RBM8A: variants seen among roughly 807,000 people sequenced by gnomAD.
RBM8A encodes RNA binding motif protein 8A.
RBM8A carries 8 observed loss-of-function variants against 25.1 expected under a neutral mutation model. The ratio of observed to expected loss-of-function variants is 0.32; its 90% CI spans 0.19 to 0.58. The LOEUF is 0.58. RBM8A is among the 20% of genes least tolerant of loss of function. The pLI, the probability that RBM8A is intolerant of heterozygous loss-of-function variation, is 0.88. For synonymous variants in RBM8A, 66 were observed against 80.0 expected (o/e 0.82, Z 0.94); for missense variants, 114 against 236.8 (o/e 0.48, Z 3.40).
chr1:145,922,198 T>C lies in RBM8A; in HGVS notation c.*3684A>G, dbSNP rs1211695740. The C allele has an allele frequency of 9.7e-6, 1 of 103,266 alleles. No homozygotes were observed. The highest frequency in any genetic ancestry group is 1.5e-4 in the Admixed American group (1 of 6,490). The allele number at this position is 103,266 out of a possible 1,614,324, so 6.4% of individuals were successfully genotyped here. The stretch of plus-strand genomic sequence containing the variant: ...AAGACTGCACCACTGCACTCCGGCG[T>C]GGGCGGCAGAGCCAGACTCTGTTGG... On this transcript the variant is annotated 3_prime_UTR_variant, in exon 6 of 6. Transcript: ENST00000583313.
At position 145,926,636 on chromosome 1, in the gene RBM8A, G is replaced by C. The variant is rs1351598097; in HGVS notation, c.206-18C>G. 6.2e-7 allele frequency: 1 copy of C among 1,613,772 alleles called. No individual in the cohort carries two copies. Among genetic ancestry groups the C allele is most frequent in the Admixed American group, 1.7e-5 (1 of 59,990 alleles). ...TTCAACAGCTGTTGGGGGACGGGGGGAAGTTGTATGAGTACATGAGAGACA... is the reference window on the plus strand; with the variant it reads ...TTCAACAGCTGTTGGGGGACGGGGGCAAGTTGTATGAGTACATGAGAGACA... On this transcript the variant is annotated intron_variant, in intron 3 of 5. Coordinates refer to ENST00000583313, the MANE Select transcript of RBM8A (RefSeq NM_005105.5).
chr1:145,926,730 C>T lies in RBM8A; in HGVS notation c.205+79G>A, dbSNP rs1385751361. ...TGTTTAAGCTATCTCTGAACCCATT[C>T]CTACTGCGTTTAACTATTTTATTGG... is the stretch of plus-strand genomic sequence containing the variant. On this transcript the variant is annotated intron_variant, in intron 3 of 5. Transcript: ENST00000583313. The T allele has an allele frequency of 2.0e-5, 32 of 1,613,656 alleles. No individual in the cohort carries two copies. In the Admixed American group the frequency reaches 5.3e-4, roughly 27 times the overall value.
At chr1:145,927,270 TTACGACCGAGGAAAA>T in intron 1 of RBM8A, 75 bp downstream of exon 1, 5 of 1,507,794 alleles carry the variant, frequency 3.3e-6, no homozygotes, top group Non-Finnish European at 4.5e-6. Flanking sequence ...ATTCCCATCC[TTACGACCGAGGAAAA>T]AAGAGTAAAT....
rs376768749 is a variant in RBM8A, at chr1:145,922,273, A to C, written c.*3609T>G. The C allele has an allele frequency of 3.9e-5, 6 of 152,312 alleles. No individual in the cohort carries two copies. The East Asian group carries it at 9.6e-4, about 24-fold the overall frequency. 9.4% of individuals were successfully genotyped at this position (152,312 alleles called of 1,614,324 possible). On this transcript the variant is annotated 3_prime_UTR_variant, in exon 6 of 6. Transcript: ENST00000583313. ...AAATAATACTTCTAATATGTTGCAAACAAGACCTTTACCAATCCAAGTGTT... is the reference window on the plus strand; with the variant it reads ...AAATAATACTTCTAATATGTTGCAACCAAGACCTTTACCAATCCAAGTGTT...
rs781824967 is a variant in RBM8A, at chr1:145,924,174, T to C, written c.*1708A>G. 2 of 701,244 alleles carry C rather than the reference T, an allele frequency of 2.9e-6. No homozygotes were observed. The highest frequency in any genetic ancestry group is 3.0e-5 in the South Asian group (2 of 66,580). 43.4% of individuals were successfully genotyped at this position (701,244 alleles called of 1,614,324 possible). ...CTCCAGCTGTTCCTGTTCCACACGG[T>C]CCACTGAGCTGGCCCAGTCCCTTTC... On this transcript the variant is annotated 3_prime_UTR_variant, in exon 6 of 6. Transcript: ENST00000583313.
chr1:145,924,602 C>G lies in RBM8A; in HGVS notation c.*1280G>C. On this transcript the variant is annotated 3_prime_UTR_variant, in exon 6 of 6. Coordinates refer to ENST00000583313, the MANE Select transcript of RBM8A (RefSeq NM_005105.5). ...AGTATTATTTATTCTTGAACACCATCAAGTCTAGACTTGGTGGCTTCATAT... is the reference window on the plus strand; with the variant it reads ...AGTATTATTTATTCTTGAACACCATGAAGTCTAGACTTGGTGGCTTCATAT... 2.8e-6 allele frequency: 1 copy of G among 357,016 alleles called. No homozygotes were observed. Among genetic ancestry groups the G allele is most frequent in the Non-Finnish European group, 5.6e-6 (1 of 178,736 alleles). 22.1% of individuals were successfully genotyped at this position (357,016 alleles called of 1,614,324 possible).
chr1:145,925,878 C>T lies in RBM8A; in HGVS notation c.*4G>A, dbSNP rs1553755758. The T allele has an allele frequency of 6.2e-7, 1 of 1,613,162 alleles. No individual in the cohort carries two copies. The highest frequency in any genetic ancestry group is 8.5e-7 in the Non-Finnish European group (1 of 1,179,646). On this transcript the variant is annotated 3_prime_UTR_variant, in exon 6 of 6. Transcript: ENST00000583313. The stretch of plus-strand genomic sequence containing the variant: ...AAGAGAACACCTGGACAACAGAGGA[C>T]CTGTCAGCGACGTCTCCGGTCTGGA...
chr1:145,925,815 C>A lies in RBM8A; in HGVS notation c.*67G>T, dbSNP rs142839636. ...TAAACACAGCAAGTTCCACCCCAGT[C>A]CTATTTGTCCAAGGCTGCATGGTCA... On this transcript the variant is annotated 3_prime_UTR_variant, in exon 6 of 6. Transcript: ENST00000583313. 5.0e-3 allele frequency: 7,471 copies of A among 1,508,042 alleles called. 21 individuals are homozygous for A. Among genetic ancestry groups the A allele is most frequent in the Admixed American group, 8.8e-3 (525 of 59,728 alleles). 93.4% of individuals were successfully genotyped at this position (1,508,042 alleles called of 1,614,324 possible).
intron 2 of RBM8A, 31 bp downstream of exon 2, chr1:145,926,987 G>A (rs782769241): frequency 6.2e-7 from 1 of 1,614,010 alleles, no homozygotes; most frequent in Non-Finnish European, 8.5e-7. Context: ...TGCCCTACTA[G>A]GCCACTCTAC....
Position 145,925,378 on chromosome 1 carries a change from G to A in RBM8A, c.*504C>T. ...ACTTTAAACCCTACCTGAAACTTGA[G>A]ACTATGTCTAATATAGAAACTCACA... On this transcript the variant is annotated 3_prime_UTR_variant, in exon 6 of 6. Transcript: ENST00000583313. 2.8e-6 allele frequency: 1 copy of A among 355,254 alleles called. No individual in the cohort carries two copies. Among genetic ancestry groups the A allele is most frequent in the Non-Finnish European group, 5.6e-6 (1 of 179,488 alleles). 22.0% of individuals were successfully genotyped at this position (355,254 alleles called of 1,614,324 possible). A position where few individuals can be genotyped will look rare whatever the true frequency, so the allele number is the denominator to read the frequency against.
rs201357976 is a variant in RBM8A, at chr1:145,923,857, T to TAGA, written c.*2022_*2024dup. On this transcript the variant is annotated 3_prime_UTR_variant, in exon 6 of 6. Coordinates refer to ENST00000583313, the MANE Select transcript of RBM8A (RefSeq NM_005105.5). ...TCAGCTAAAAATATGAGTGAGGTGGTAGAAATATCATCCCTTATAAAGCGC... is the reference window on the plus strand; with the variant it reads ...TCAGCTAAAAATATGAGTGAGGTGGTAGAAGAAATATCATCCCTTATAAAGCGC... 1,958 of 533,572 alleles carry TAGA rather than the reference T, an allele frequency of 3.7e-3. 28 individuals are homozygous for TAGA. Among genetic ancestry groups the TAGA allele is most frequent in the African/African-American group, 0.033 (1,757 of 53,380 alleles). The allele number at this position is 533,572 out of a possible 1,614,324, so 33.1% of individuals were successfully genotyped here.
chr1:145,927,104 A>G (rs782495887), intron 1 of RBM8A, 27 bp from the exon 2 acceptor site: 3 of 1,607,314 alleles, frequency 1.9e-6, no homozygotes, highest in Non-Finnish European at 2.6e-6. Context: ...TAAAAGAATA[A>G]GTAACTATGA....
In RBM8A at chr1:145,926,196, C is replaced by G. The variant is rs782234330; in HGVS notation, c.343-19G>C. The G allele has an allele frequency of 1.1e-5, 17 of 1,610,728 alleles. No individual in the cohort carries two copies. In the South Asian group the frequency reaches 1.9e-4, roughly 18 times the overall value. ...TATACCCCTGGGGAAAGTGAAAAGA[C>G]AGATATGAAAACCCTCCTATTTCCC... On this transcript the variant is annotated intron_variant, in intron 4 of 5. Transcript: ENST00000583313.
chr1:145,923,892 A>C lies in RBM8A; in HGVS notation c.*1990T>G. The C allele has an allele frequency of 1.7e-6, 1 of 578,616 alleles. No homozygotes were observed. Among genetic ancestry groups the C allele is most frequent in the South Asian group, 2.2e-5 (1 of 44,532 alleles). 35.8% of individuals were successfully genotyped at this position (578,616 alleles called of 1,614,324 possible). A position where few individuals can be genotyped will look rare whatever the true frequency, so the allele number is the denominator to read the frequency against. ...ATCCCTTATAAAGCGCAATGTTAGA[A>C]TAGTACTTGAGAAAGCAGGATTGTT... On this transcript the variant is annotated 3_prime_UTR_variant, in exon 6 of 6. Coordinates refer to ENST00000583313, the MANE Select transcript of RBM8A (RefSeq NM_005105.5).
chr1:145,924,361 C>A lies in RBM8A; in HGVS notation c.*1521G>T, dbSNP rs1553755458. On this transcript the variant is annotated 3_prime_UTR_variant, in exon 6 of 6. Coordinates refer to ENST00000583313, the MANE Select transcript of RBM8A (RefSeq NM_005105.5). ...CCAGGCCCCAGACAAGGAAGGGGAG[C>A]CATGGTGAGACTCCAATTCCCAGGC... The A allele has an allele frequency of 2.0e-6, 1 of 489,084 alleles. No homozygotes were observed. The highest frequency in any genetic ancestry group is 6.4e-5 in the East Asian group (1 of 15,640). 30.3% of individuals were successfully genotyped at this position (489,084 alleles called of 1,614,324 possible). A position where few individuals can be genotyped will look rare whatever the true frequency, so the allele number is the denominator to read the frequency against.
chr1:145,927,192 T>G, intron 1 of RBM8A, 115 bp from the exon 2 acceptor site: 1 of 1,482,954 alleles, frequency 6.7e-7, no homozygotes, highest in Non-Finnish European at 9.3e-7. Flanking sequence ...CTTAGTGCCT[T>G]CCCGGTCACG....
In RBM8A at chr1:145,925,819, T is replaced by C. The variant is rs1402465440; in HGVS notation, c.*63A>G. On this transcript the variant is annotated 3_prime_UTR_variant, in exon 6 of 6. Transcript: ENST00000583313. The stretch of plus-strand genomic sequence containing the variant: ...CACAGCAAGTTCCACCCCAGTCCTA[T>C]TTGTCCAAGGCTGCATGGTCAAATG... The C allele has an allele frequency of 2.0e-6, 3 of 1,533,482 alleles. No individual in the cohort carries two copies. In the African/African-American group the frequency reaches 4.1e-5, roughly 21 times the overall value. The allele number at this position is 1,533,482 out of a possible 1,614,324, so 95.0% of individuals were successfully genotyped here.
rs1351545002 is a variant in RBM8A at position 145,925,573 on chromosome 1, C to T, written c.*309G>A. 7 of 354,678 alleles carry T rather than the reference C, an allele frequency of 2.0e-5. No individual in the cohort carries two copies. The highest frequency in any genetic ancestry group is 1.3e-4 in the African/African-American group (6 of 46,506). 22.0% of individuals were successfully genotyped at this position (354,678 alleles called of 1,614,324 possible). On this transcript the variant is annotated 3_prime_UTR_variant, in exon 6 of 6. Coordinates refer to ENST00000583313, the MANE Select transcript of RBM8A (RefSeq NM_005105.5). ...GTGAGCTATGATCAGCTGCAATCCACCCTGGGTAACACAGCAAGACTCTAT... is the reference window on the plus strand; with the variant it reads ...GTGAGCTATGATCAGCTGCAATCCATCCTGGGTAACACAGCAAGACTCTAT...
In RBM8A at chr1:145,924,846, C is replaced by T. The variant is rs1479765803; in HGVS notation, c.*1036G>A. 6.0e-6 allele frequency: 2 copies of T among 334,808 alleles called. No individual in the cohort carries two copies. The highest frequency in any genetic ancestry group is 1.2e-5 in the Non-Finnish European group (2 of 170,274). 20.7% of individuals were successfully genotyped at this position (334,808 alleles called of 1,614,324 possible). On this transcript the variant is annotated 3_prime_UTR_variant, in exon 6 of 6. Coordinates refer to ENST00000583313, the MANE Select transcript of RBM8A (RefSeq NM_005105.5). ...CTGGTGAATTTGCCCTCCCCCGCTC[C>T]TTTGACAATTGTCCCCGTGTTCGTC...
Sources: gnomAD v4.1 joint callset for allele counts on GRCh38, gnomAD v4.1.1 for gene constraint, MANE v1.5 for transcripts, NCBI Gene and HGNC (gene_info 2026-07-23, HGNC 2026-07-21) for gene names.